Variants in TTL observed in about 807,000 individuals in gnomAD.
The protein encoded by TTL is tubulin tyrosine ligase.
Under a neutral mutation model 41.1 loss-of-function variants are expected in TTL, and 10 were observed. The observed-to-expected ratio is 0.24, with a 90% confidence interval of 0.15 to 0.41. TTL has a LOEUF of 0.41. TTL is among the 10% of genes least tolerant of loss of function. The pLI is 1.00. For missense variants in TTL, 367 were observed against 460.4 expected (o/e 0.80, Z 1.86); for synonymous variants, 175 against 175.5 (o/e 1.00, Z 0.02).
chr2:112,516,865 A>G (rs1682084934), intron 5 of TTL, among the ~76,000 whole-genome samples: 2 of 152,198 alleles, frequency 1.3e-5, no homozygotes, highest in South Asian at 4.1e-4. Context: ...TCTTCAGGGA[A>G]TATAGGTGGT....
chr2:112,492,981 T>C (rs1474752509), intron 2 of TTL, among the ~76,000 whole-genome samples: 5 of 152,202 alleles, frequency 3.3e-5, no homozygotes, highest in Admixed American at 3.3e-4. Flanking sequence ...CAGTAGCCAC[T>C]TGTGGTTGGC....
Position 112,535,879 on chromosome 2 carries a change from A to G in TTL, c.*7084A>G, listed in dbSNP as rs1558647659. 1 of 152,142 alleles carries G rather than the reference A, an allele frequency of 6.6e-6. No homozygotes were observed. Among genetic ancestry groups the G allele is most frequent in the Non-Finnish European group, 1.5e-5 (1 of 68,016 alleles). 9.4% of individuals were successfully genotyped at this position (152,142 alleles called of 1,614,324 possible). A position where few individuals can be genotyped will look rare whatever the true frequency, so the allele number is the denominator to read the frequency against. ...GAGTCTAGTGGTGTAATGATAGCTC[A>G]CTGCAGCCTCAAACTTCTGGTTTCA... On this transcript the variant is annotated 3_prime_UTR_variant, in exon 7 of 7. Transcript: ENST00000233336.
At chr2:112,498,390 A>C (rs1027822240) in intron 3 of TTL, among the ~76,000 whole-genome samples, 2 of 152,172 alleles carry the variant, frequency 1.3e-5, no homozygotes, top group African/African-American at 4.8e-5. Flanking sequence ...CTTGGGTATA[A>C]ATTTAACAAG....
intron 5 of TTL, among the ~76,000 whole-genome samples, chr2:112,514,702 T>A (rs543671304): frequency 3.0e-4 from 46 of 152,344 alleles, no homozygotes; most frequent in Admixed American, 8.5e-4. Context: ...TTGTACATAT[T>A]CCTGCATTTG....
chr2:112,486,227 A>G (rs966922006), intron 2 of TTL, among the ~76,000 whole-genome samples: 18 of 152,156 alleles, frequency 1.2e-4, no homozygotes, highest in African/African-American at 4.3e-4. Context: ...TCTCCTGTGT[A>G]AGTGATTTCC....
Position 112,535,210 on chromosome 2 carries a change from A to C in TTL, c.*6415A>C, listed in dbSNP as rs1574078079. The C allele has an allele frequency of 6.6e-6, 1 of 152,342 alleles. No individual in the cohort carries two copies. Among genetic ancestry groups the C allele is most frequent in the South Asian group, 2.1e-4 (1 of 4,832 alleles). 9.4% of individuals were successfully genotyped at this position (152,342 alleles called of 1,614,324 possible). A position where few individuals can be genotyped will look rare whatever the true frequency, so the allele number is the denominator to read the frequency against. On this transcript the variant is annotated 3_prime_UTR_variant, in exon 7 of 7. Coordinates refer to ENST00000233336, the MANE Select transcript of TTL (RefSeq NM_153712.5). ...AAAAAATGTGTGAACTGGTAAAAGA[A>C]GTAATCAGCAAATTAGAAGTCATTT...
intron 6 of TTL, among the ~76,000 whole-genome samples, chr2:112,524,794 A>G (rs1334023974): frequency 6.6e-6 from 1 of 152,108 alleles, no homozygotes; most frequent in Non-Finnish European, 1.5e-5. Flanking sequence ...CTTTAGTTTA[A>G]TTAGATCCCA....
In TTL at chr2:112,498,319, G is replaced by A. The variant is rs544150042; in HGVS notation, c.470-2887G>A. Among the ~76,000 whole-genome samples the A allele has an allele frequency of 2.7e-4, 41 of 151,872 alleles. 1 individual carries two copies. The South Asian group carries it at 6.4e-3, about 24-fold the overall frequency. On this transcript the variant is annotated intron_variant, in intron 3 of 6. Transcript: ENST00000233336. ...GCTTGGGCAAGAGAGCAAAAATTCC[G>A]TCTAAAAAAAAACCAAAAAACTACA...
At chr2:112,502,766 TTA>T in intron 4 of TTL, 144 bp from the exon 5 acceptor site, 1 of 707,936 alleles carries the variant, frequency 1.4e-6, no homozygotes. Flanking sequence ...AACATGCCTC[TTA>T]TAGTTTTAGA....
At chr2:112,490,597 G>A (rs1681355398) in intron 2 of TTL, among the ~76,000 whole-genome samples, 1 of 132,260 alleles carries the variant, frequency 7.6e-6, no homozygotes, top group Non-Finnish European at 1.6e-5. Flanking sequence ...TTTTGAGATG[G>A]AGTTTTACTC....
intron 5 of TTL, among the ~76,000 whole-genome samples, chr2:112,511,066 G>A (rs941015295): frequency 2.0e-5 from 3 of 152,092 alleles, no homozygotes; most frequent in African/African-American, 4.8e-5. Context: ...TTCCCAGGCT[G>A]GAATGCAGTG....
At chr2:112,503,752 G>A (rs1207069576) in intron 5 of TTL, among the ~76,000 whole-genome samples, 4 of 129,014 alleles carry the variant, frequency 3.1e-5, no homozygotes, top group African/African-American at 5.9e-5. Flanking sequence ...CATTCAACAC[G>A]TTGATGAAAA....
At chr2:112,484,507 C>T (rs899602742) in intron 1 of TTL, among the ~76,000 whole-genome samples, 7 of 151,968 alleles carry the variant, frequency 4.6e-5, no homozygotes, top group Non-Finnish European at 7.4e-5. Context: ...TCAGGTGATC[C>T]GCCCACTTCG....
At position 112,538,301 on chromosome 2, in the gene TTL, G is replaced by C. The variant is rs577561891; in HGVS notation, c.*9506G>C. The C allele has an allele frequency of 2.0e-5, 3 of 152,076 alleles. No homozygotes were observed. The highest frequency in any genetic ancestry group is 4.4e-5 in the Non-Finnish European group (3 of 68,020). The allele number at this position is 152,076 out of a possible 1,614,324, so 9.4% of individuals were successfully genotyped here. ...TCTTAATACCCTGATACCAAAACCAGACAAAGATGTCACAAGAAAAGCAAA... is the reference window on the plus strand; with the variant it reads ...TCTTAATACCCTGATACCAAAACCACACAAAGATGTCACAAGAAAAGCAAA... On this transcript the variant is annotated 3_prime_UTR_variant, in exon 7 of 7. Transcript: ENST00000233336.
At chr2:112,495,521 C>T (rs1681501567) in intron 3 of TTL, among the ~76,000 whole-genome samples, 1 of 152,184 alleles carries the variant, frequency 6.6e-6, no homozygotes, top group African/African-American at 2.4e-5. Flanking sequence ...TAAACAATCT[C>T]TGTCTATGTT....
intron 1 of TTL, chr2:112,483,668 CAG>C (rs1192956547): frequency 6.6e-6 from 1 of 152,244 alleles, no homozygotes; most frequent in East Asian, 1.9e-4. Context: ...CTTCCATAGA[CAG>C]AGCCTTTGGG....
rs1682498708 is a variant in TTL, at chr2:112,531,123, G to A, written c.*2328G>A. ...GCCTCCTGAGTAGCTGAGACTACAG[G>A]TGCACACCACCAAGCCTGGCTTTAT... On this transcript the variant is annotated 3_prime_UTR_variant, in exon 7 of 7. Coordinates refer to ENST00000233336, the MANE Select transcript of TTL (RefSeq NM_153712.5). 1 of 211,278 alleles carries A rather than the reference G, an allele frequency of 4.7e-6. No homozygotes were observed. The highest frequency in any genetic ancestry group is 2.3e-5 in the African/African-American group (1 of 44,086). The allele number at this position is 211,278 out of a possible 1,614,324, so 13.1% of individuals were successfully genotyped here. A position where few individuals can be genotyped will look rare whatever the true frequency, so the allele number is the denominator to read the frequency against.
chr2:112,482,363 C>A lies in TTL; in HGVS notation c.19C>A (p.Arg7Ser), dbSNP rs1341836974. ...CTTCGCCATGTACACCTTCGTGGTA[C>A]GCGATGAGAACAGCAGCGTCTACGC... Reference protein sequence around the residue: MYTFVVRDENSSVYAEV... With the variant: MYTFVVSDENSSVYAEV... Residue 7 changes from arginine to serine, a missense_variant, in exon 1 of 7, where the codon CGC becomes AGC. Arg to Ser is a moderately radical substitution (Grantham distance 110, BLOSUM62 -1). Transcript: ENST00000233336. This position sits in a 1 kb window ranked among gnomAD's most constrained non-coding sequence, Gnocchi z 5.3. 6.4e-7 allele frequency: 1 copy of A among 1,566,104 alleles called. No individual in the cohort carries two copies. Among genetic ancestry groups the A allele is most frequent in the Admixed American group, 1.9e-5 (1 of 51,990 alleles).
intron 2 of TTL, among the ~76,000 whole-genome samples, chr2:112,490,632 G>T (rs1420360962): frequency 7.0e-6 from 1 of 142,898 alleles, no homozygotes; most frequent in African/African-American, 2.6e-5. Flanking sequence ...GAGTGCAGTG[G>T]CACCATCTCA....
Sources: gnomAD v4.1 joint callset for allele counts (sites outside exome capture counted in the v4.1 genomes callset) on GRCh38, gnomAD v4.1.1 for gene constraint, Gnocchi (gnomAD v3.1) non-coding constraint, MANE v1.5 for transcripts, NCBI Gene and HGNC (gene_info 2026-07-23, HGNC 2026-07-21) for gene names.